The following FBXW4 variants were observed in gnomAD, a reference collection of about 807,000 sequenced individuals.
FBXW4 encodes the protein F-box and WD repeat domain containing 4.
Under a neutral mutation model 61.8 loss-of-function variants are expected in FBXW4, and 40 were observed. That is an observed-to-expected ratio of 0.65 (90% CI 0.50 to 0.84). The LOEUF is 0.84. Ranked by LOEUF, FBXW4 falls within the 40% of genes least tolerant of loss-of-function variation. The pLI is 0.00. For synonymous variants in FBXW4, 311 were observed against 313.8 expected (o/e 0.99, Z 0.10); for missense variants, 672 against 753.8 (o/e 0.89, Z 1.27).
chr10:101,673,428 G>A (rs2064376803), intron 3 of FBXW4, 60 bp downstream of exon 3: 1 of 1,578,658 alleles, frequency 6.3e-7, no homozygotes, highest in Non-Finnish European at 8.7e-7. Flanking sequence ...TCAGAGGCAG[G>A]CAGAATGTCC....
intron 6 of FBXW4, among the ~76,000 whole-genome samples, chr10:101,617,043 T>A (rs1435995077): frequency 6.6e-6 from 1 of 152,156 alleles, no homozygotes; most frequent in African/African-American, 2.4e-5. Context: ...TGGAGCCAGA[T>A]GAGACGGCTG....
At chr10:101,663,022 T>C (rs559337358) in intron 5 of FBXW4, among the ~76,000 whole-genome samples, 1 of 152,222 alleles carries the variant, frequency 6.6e-6, no homozygotes, top group East Asian at 1.9e-4. Context: ...AAGATGCTGG[T>C]GAATAAGGCA....
chr10:101,676,499 A>G, intron 1 of FBXW4, 63 bp from the exon 2 acceptor site: 1 of 1,362,024 alleles, frequency 7.3e-7, no homozygotes. Flanking sequence ...AGAAAATTTC[A>G]TGGGCTTACT....
chr10:101,685,849 G>A (rs1045175021), intron 1 of FBXW4, among the ~76,000 whole-genome samples: 4 of 152,156 alleles, frequency 2.6e-5, no homozygotes, highest in Non-Finnish European at 4.4e-5. Context: ...TCAAGCAAGA[G>A]TTTCCAAAAA....
chr10:101,669,190 C>T (rs1457215787), intron 4 of FBXW4, among the ~76,000 whole-genome samples: 1 of 152,082 alleles, frequency 6.6e-6, no homozygotes, highest in South Asian at 2.1e-4. Context: ...AATAAACATA[C>T]TAAGAGGATC....
chr10:101,612,390 C>T lies in FBXW4; in HGVS notation c.1389G>A (p.Leu463=), dbSNP rs1194289533. The T allele has an allele frequency of 1.2e-6, 2 of 1,601,726 alleles. No individual in the cohort carries two copies. Among genetic ancestry groups the T allele is most frequent in the Admixed American group, 1.7e-5 (1 of 58,964 alleles). ...GAACATAGGTGTCATAGCCACAGGA[C>T]AGCAGTGTGAAAGGGGACTCATACA... is the stretch of plus-strand genomic sequence containing the variant. The part of the protein sequence containing the change: ...DVMYESPFTL[L]SCGYDTYVRY... Residue 463 remains leucine, a synonymous_variant, in exon 7 of 9, where the codon CTG becomes CTA. Coordinates refer to ENST00000331272, the MANE Select transcript of FBXW4 (RefSeq NM_022039.4).
chr10:101,627,719 G>A (rs936755707), intron 5 of FBXW4, among the ~76,000 whole-genome samples: 4 of 152,180 alleles, frequency 2.6e-5, no homozygotes, highest in African/African-American at 9.7e-5. Flanking sequence ...ATCTCACAAT[G>A]AGCCCACAAG....
intron 5 of FBXW4, 49 bp from the exon 6 acceptor site, chr10:101,624,859 TG>T: frequency 6.3e-7 from 1 of 1,588,212 alleles, no homozygotes; most frequent in South Asian, 1.1e-5. Flanking sequence ...TCAGAACCTG[TG>T]GTGGAAATGG....
chr10:101,667,974 G>C lies in FBXW4; in HGVS notation c.1147C>G (p.Pro383Ala), dbSNP rs2134886202. ...TGCCCCAGCCGGCCTGAGGCCAAAG[G>C]CCACACCTAGAAACAGGAGAGGAGA... ...GSRDRTAKVWPLASGRLGQCL... is the reference protein window; with the variant it reads ...GSRDRTAKVWALASGRLGQCL... Residue 383 changes from proline to alanine, a missense_variant, in exon 5 of 9, where the codon CCT becomes GCT. This residue lies in a region of FBXW4 where 312 missense variants were observed against 370.1 expected (regional missense o/e 0.84). Coordinates refer to ENST00000331272, the MANE Select transcript of FBXW4 (RefSeq NM_022039.4). The C allele has an allele frequency of 1.9e-6, 3 of 1,613,876 alleles. No homozygotes were observed. The highest frequency in any genetic ancestry group is 2.2e-5 in the East Asian group (1 of 44,882).
intron 4 of FBXW4, among the ~76,000 whole-genome samples, chr10:101,672,259 C>T (rs2064365061): frequency 6.6e-6 from 1 of 152,216 alleles, no homozygotes. Context: ...GGCTGTTGGG[C>T]ACAAGCCTGG....
At chr10:101,657,431 C>T (rs1474469208) in intron 5 of FBXW4, among the ~76,000 whole-genome samples, 1 of 151,992 alleles carries the variant, frequency 6.6e-6, no homozygotes, top group African/African-American at 2.4e-5. Flanking sequence ...GTCAGGAGTT[C>T]GAAACCAGCC....
intron 5 of FBXW4, among the ~76,000 whole-genome samples, chr10:101,651,008 T>C (rs1589760120): frequency 1.3e-5 from 2 of 152,304 alleles, no homozygotes; most frequent in East Asian, 3.9e-4. Flanking sequence ...TTCGGCAGCC[T>C]TTTCACGGGG....
intron 1 of FBXW4, among the ~76,000 whole-genome samples, chr10:101,693,232 T>C (rs2064630683): frequency 6.6e-6 from 1 of 152,254 alleles, no homozygotes; most frequent in Non-Finnish European, 1.5e-5. Flanking sequence ...CTGCAAACCA[T>C]AACCTTTGCT....
chr10:101,658,406 G>A (rs980909913), intron 5 of FBXW4, among the ~76,000 whole-genome samples: 3 of 152,088 alleles, frequency 2.0e-5, no homozygotes, highest in South Asian at 2.1e-4. Flanking sequence ...TTAGCCAGGC[G>A]TGGTGGCATG....
intron 5 of FBXW4, among the ~76,000 whole-genome samples, chr10:101,630,718 G>C (rs2063946610): frequency 6.6e-6 from 1 of 152,232 alleles, no homozygotes; most frequent in African/African-American, 2.4e-5. Context: ...GAAAGACACA[G>C]GCAGGGGGCA....
chr10:101,671,477 T>G (rs2064357716), intron 4 of FBXW4, among the ~76,000 whole-genome samples: 1 of 152,198 alleles, frequency 6.6e-6, no homozygotes, highest in African/African-American at 2.4e-5. Context: ...CTTGCTATTC[T>G]TCGTCAACTG....
intron 1 of FBXW4, among the ~76,000 whole-genome samples, chr10:101,686,504 G>A (rs1047161786): frequency 1.2e-4 from 18 of 151,164 alleles, no homozygotes; most frequent in African/African-American, 1.4e-4. Flanking sequence ...GGCAGGGAGC[G>A]GTGAACAGGC....
intron 5 of FBXW4, among the ~76,000 whole-genome samples, chr10:101,647,647 AT>A (rs1165442636): frequency 2.6e-5 from 4 of 152,258 alleles, no homozygotes; most frequent in Non-Finnish European, 5.9e-5. Flanking sequence ...AAGTCATTTC[AT>A]TGGAAGCTTC....
chr10:101,631,715 T>G (rs968867951), intron 5 of FBXW4, among the ~76,000 whole-genome samples: 4 of 151,464 alleles, frequency 2.6e-5, no homozygotes, highest in Non-Finnish European at 5.9e-5. Flanking sequence ...GCAACTTCCG[T>G]CTCCCAGGTT....
Sources: gnomAD v4.1 joint callset for allele counts (sites outside exome capture counted in the v4.1 genomes callset) on GRCh38, gnomAD v4.1.1 for gene constraint, gnomAD v4.1.1 regional missense constraint, MANE v1.5 for transcripts, NCBI Gene and HGNC (gene_info 2026-07-23, HGNC 2026-07-21) for gene names.